SIPA1L1: variants seen among roughly 807,000 people sequenced by gnomAD.
The protein encoded by SIPA1L1 is signal induced proliferation associated 1 like 1, also known as signal-induced proliferation-associated 1-like protein 1.
Under a neutral mutation model 162.7 loss-of-function variants are expected in SIPA1L1, and 26 were observed. That is an observed-to-expected ratio of 0.16 (90% CI 0.12 to 0.22). The LOEUF is 0.22. SIPA1L1 is among the 10% of genes least tolerant of loss of function. The pLI, the probability that SIPA1L1 is intolerant of heterozygous loss-of-function variation, is 1.00. For missense variants in SIPA1L1, 1,874 were observed against 2,241.0 expected (o/e 0.84, Z 3.31); for synonymous variants, 829 against 837.4 (o/e 0.99, Z 0.17).
intron 5 of SIPA1L1, among the ~76,000 whole-genome samples, chr14:71,593,727 C>A (rs2035693031): frequency 6.6e-6 from 1 of 152,080 alleles, no homozygotes; most frequent in African/African-American, 2.4e-5. Context: ...AGTGTGTTCT[C>A]CTTGAATCCT....
intron 12 of SIPA1L1, among the ~76,000 whole-genome samples, chr14:71,677,690 A>G (rs2045350363): frequency 6.6e-6 from 1 of 152,188 alleles, no homozygotes. Flanking sequence ...CTTCCTACAT[A>G]TGGCTAGCCA....
At chr14:71,611,331 AC>A (rs1481570968) in intron 5 of SIPA1L1, among the ~76,000 whole-genome samples, 1 of 152,188 alleles carries the variant, frequency 6.6e-6, no homozygotes, top group East Asian at 1.9e-4. Context: ...AAGAAGTTGG[AC>A]AAAAACAAAA....
intron 8 of SIPA1L1, among the ~76,000 whole-genome samples, chr14:71,656,711 C>G (rs2043087520): frequency 6.6e-6 from 1 of 152,184 alleles, no homozygotes; most frequent in South Asian, 2.1e-4. Context: ...AATTAAGATT[C>G]TCCAACAAGC....
chr14:71,520,916 T>G (rs1411837396), intron 3 of SIPA1L1, among the ~76,000 whole-genome samples: 3 of 151,984 alleles, frequency 2.0e-5, no homozygotes, highest in Non-Finnish European at 1.5e-5. Context: ...CCATGTTTGG[T>G]TAATTTTTTA....
chr14:71,554,154 T>A (rs2056136109), intron 4 of SIPA1L1, among the ~76,000 whole-genome samples: 1 of 152,340 alleles, frequency 6.6e-6, no homozygotes, highest in South Asian at 2.1e-4. Flanking sequence ...GTTTAGAGAT[T>A]TTTTTCTGTT....
At chr14:71,363,824 A>G (rs1334594375) in intron 2 of SIPA1L1, among the ~76,000 whole-genome samples, 1 of 152,196 alleles carries the variant, frequency 6.6e-6, no homozygotes, top group Non-Finnish European at 1.5e-5. Flanking sequence ...GATTTATAAC[A>G]AGGTACAGAT....
chr14:71,463,713 A>G (rs2046780188), intron 2 of SIPA1L1, among the ~76,000 whole-genome samples: 1 of 152,128 alleles, frequency 6.6e-6, no homozygotes, highest in African/African-American at 2.4e-5. Context: ...AGGGGCCATG[A>G]TTCTCTATTT....
intron 2 of SIPA1L1, among the ~76,000 whole-genome samples, chr14:71,444,755 G>C (rs970416338): frequency 1.1e-4 from 16 of 152,222 alleles, no homozygotes; most frequent in African/African-American, 3.9e-4. Flanking sequence ...GAACATAGTT[G>C]GACCCTTTAG....
At chr14:71,441,901 G>A (rs1407004556) in intron 2 of SIPA1L1, among the ~76,000 whole-genome samples, 2 of 152,094 alleles carry the variant, frequency 1.3e-5, no homozygotes, top group East Asian at 1.9e-4. Flanking sequence ...GCCAGGTGTG[G>A]TGGCTCCTGC....
chr14:71,658,784 C>G (rs1421009823), intron 9 of SIPA1L1, among the ~76,000 whole-genome samples: 2 of 152,172 alleles, frequency 1.3e-5, no homozygotes, highest in African/African-American at 4.8e-5. Flanking sequence ...AGTTTCATCT[C>G]AAGAGGTCAG....
chr14:71,642,463 C>T (rs2041812135), intron 7 of SIPA1L1, among the ~76,000 whole-genome samples: 1 of 152,172 alleles, frequency 6.6e-6, no homozygotes, highest in Non-Finnish European at 1.5e-5. Context: ...TGAGTAGAGC[C>T]TCACAATGCT....
chr14:71,437,683 C>G, intron 2 of SIPA1L1, among the ~76,000 whole-genome samples: 1 of 152,198 alleles, frequency 6.6e-6, no homozygotes, highest in Non-Finnish European at 1.5e-5. Context: ...CATTTCATTA[C>G]TGATACTACA....
chr14:71,416,878 A>G (rs1298587994), intron 2 of SIPA1L1, among the ~76,000 whole-genome samples: 1 of 152,184 alleles, frequency 6.6e-6, no homozygotes, highest in African/African-American at 2.4e-5. Flanking sequence ...TTGAATAAGC[A>G]TACTTTTTTC....
At chr14:71,420,300 A>T (rs2043089504) in intron 2 of SIPA1L1, among the ~76,000 whole-genome samples, 1 of 152,164 alleles carries the variant, frequency 6.6e-6, no homozygotes, top group African/African-American at 2.4e-5. Context: ...CTTTAGTAGA[A>T]ATATAGGTAA....
At chr14:71,494,638 C>T (rs915085226) in intron 2 of SIPA1L1, among the ~76,000 whole-genome samples, 3 of 151,480 alleles carry the variant, frequency 2.0e-5, no homozygotes, top group Non-Finnish European at 4.4e-5. Flanking sequence ...GCGATCCTCC[C>T]GCTTCAGCCT....
intron 2 of SIPA1L1, among the ~76,000 whole-genome samples, chr14:71,441,602 T>C (rs1425668777): frequency 1.3e-5 from 2 of 152,212 alleles, no homozygotes; most frequent in African/African-American, 4.8e-5. Context: ...CATTATTGCC[T>C]CTCCATGGCA....
chr14:71,684,478 A>G (rs760305975), intron 12 of SIPA1L1, among the ~76,000 whole-genome samples: 10 of 152,270 alleles, frequency 6.6e-5, no homozygotes, highest in Non-Finnish European at 2.9e-5. Flanking sequence ...TGCACTGTCC[A>G]GGACAGGAGG....
At chr14:71,414,148 G>T (rs751338862) in intron 2 of SIPA1L1, 1 of 152,256 alleles carries the variant, frequency 6.6e-6, no homozygotes, top group Non-Finnish European at 1.5e-5. Context: ...GGAGGCTGAG[G>T]TGGATGGATC....
chr14:71,622,387 A>G (rs1265938785), intron 6 of SIPA1L1, among the ~76,000 whole-genome samples: 3 of 152,228 alleles, frequency 2.0e-5, no homozygotes, highest in Non-Finnish European at 2.9e-5. Flanking sequence ...CAGTAATACT[A>G]GTGATTCGGA....
Sources: gnomAD v4.1 joint callset for allele counts (sites outside exome capture counted in the v4.1 genomes callset) on GRCh38, gnomAD v4.1.1 for gene constraint, MANE v1.5 for transcripts, NCBI Gene and HGNC (gene_info 2026-07-23, HGNC 2026-07-21) for gene names.